BAZ1B: variants seen among roughly 807,000 people sequenced by gnomAD.
BAZ1B encodes tyrosine-protein kinase BAZ1B.
Under a neutral mutation model 153.8 loss-of-function variants are expected in BAZ1B, and 22 were observed. That is an observed-to-expected ratio of 0.14 (90% confidence interval 0.10 to 0.20). The LOEUF (loss-of-function observed/expected upper bound fraction) is 0.20. Ranked by LOEUF, BAZ1B falls within the 10% of genes least tolerant of loss-of-function variation. The pLI is 1.00. For synonymous variants in BAZ1B, 676 were observed against 633.4 expected, an observed-to-expected ratio of 1.07 and a Z score of -1.01; for missense variants, 1,325 against 1,799.3, an observed-to-expected ratio of 0.74 and a Z score of 4.77.
At chr7:73,501,311 A>T (rs1255196084) in intron 3 of BAZ1B, among the ~76,000 whole-genome samples, 1 of 152,140 alleles carries the variant, frequency 6.6e-6, no homozygotes, top group African/African-American at 2.4e-5. Context: ...ACCATGACCT[A>T]ACCTTTGACA....
chr7:73,515,016 G>A (rs782651982), intron 1 of BAZ1B, among the ~76,000 whole-genome samples: 1 of 152,026 alleles, frequency 6.6e-6, no homozygotes, highest in African/African-American at 2.4e-5. Context: ...AGGTTGCAGT[G>A]AGCCAAGATC....
chr7:73,445,293 C>T (rs1787789872), intron 16 of BAZ1B, among the ~76,000 whole-genome samples: 1 of 152,152 alleles, frequency 6.6e-6, no homozygotes, highest in African/African-American at 2.4e-5. Flanking sequence ...TTCTTGGCTA[C>T]TTTAGCGTCT....
intron 1 of BAZ1B, among the ~76,000 whole-genome samples, chr7:73,520,391 A>C (rs1790987907): frequency 6.6e-6 from 1 of 152,124 alleles, no homozygotes; most frequent in African/African-American, 2.4e-5. Context: ...TAATATTTAA[A>C]TTAATTGAAA....
At position 73,521,970 on chromosome 7, in the gene BAZ1B, C is replaced by T; in HGVS notation, c.-37G>A. On this transcript the variant is annotated 5_prime_UTR_variant, in exon 1 of 20. Transcript: ENST00000339594. ...CGGTGGGGACTGGCGGCTGCTGGGGCCGGCCCCGCGGCGCAGCACTAGGCC... is the reference window on the plus strand; with the variant it reads ...CGGTGGGGACTGGCGGCTGCTGGGGTCGGCCCCGCGGCGCAGCACTAGGCC... The T allele has an allele frequency of 7.3e-7, 1 of 1,375,008 alleles. No homozygotes were observed. Among genetic ancestry groups the T allele is most frequent in the Non-Finnish European group, 9.4e-7 (1 of 1,058,610 alleles). 85.2% of individuals were successfully genotyped at this position (1,375,008 alleles called of 1,614,324 possible).
At position 73,442,239 on chromosome 7, in the gene BAZ1B, G is replaced by A; in HGVS notation, c.4409C>T (p.Pro1470Leu). 6.2e-7 allele frequency: 1 copy of A among 1,605,768 alleles called. No individual in the cohort carries two copies. Among genetic ancestry groups the A allele is most frequent in the South Asian group, 1.1e-5 (1 of 90,948 alleles). The change falls in exon 19 of 20, where the codon CCA becomes CTA. Residue 1470 changes from proline (P) to leucine (L), a missense_variant. By Grantham distance (98) the Pro-to-Leu change is moderately conservative. Around this residue, in one of 9 missense-constraint regions of BAZ1B, gnomAD observed 271 missense variants for 337.2 expected, o/e 0.80. Transcript: ENST00000339594. ...TCCCCTGGACTGTCCAACGGCCTCT[G>A]GCTCACTGTCCCCTTCATCTTCAGC... ...RLAEDEGDSE[P>L]EAVGQSRGRR...
chr7:73,469,540 C>A lies in BAZ1B; in HGVS notation c.2843G>T (p.Gly948Val), dbSNP rs149960016. 37 of 1,614,100 alleles carry A rather than the reference C, an allele frequency of 2.3e-5. No individual in the cohort carries two copies. Residue 948 changes from glycine (G) to valine (V), a missense_variant, in exon 9 of 20, where the codon GGT becomes GTT. Coordinates refer to ENST00000339594, the MANE Select transcript of BAZ1B (RefSeq NM_032408.4). ...ACTGCGAGGACAGTAATCCTCATCACCAGAGACTGTGTGGTCTTTGCAGTG... is the reference window on the plus strand; with the variant it reads ...ACTGCGAGGACAGTAATCCTCATCAACAGAGACTGTGTGGTCTTTGCAGTG... ...NHHCKDHTVS[G>V]DEDYCPRSKK...
At chr7:73,470,981 C>A (rs1554571914) in intron 7 of BAZ1B, among the ~76,000 whole-genome samples, 1 of 152,156 alleles carries the variant, frequency 6.6e-6, no homozygotes. Context: ...CTGATCCACC[C>A]GTCTCGGCCC....
chr7:73,507,902 T>A (rs980211852), intron 3 of BAZ1B, among the ~76,000 whole-genome samples: 1 of 152,142 alleles, frequency 6.6e-6, no homozygotes, highest in African/African-American at 2.4e-5. Flanking sequence ...TTAGTCCTTA[T>A]AATAATTGAT....
At position 73,441,192 on chromosome 7, in the gene BAZ1B, G is replaced by A. The variant is rs1787601684; in HGVS notation, c.*517C>T. On this transcript the variant is annotated 3_prime_UTR_variant, in exon 20 of 20. Coordinates refer to ENST00000339594, the MANE Select transcript of BAZ1B (RefSeq NM_032408.4). The stretch of plus-strand genomic sequence containing the variant: ...AGTGGATGGGCTGAAGGAGAAGCCA[G>A]GGAAGTTAGAGCAAACACATTATCA... The A allele has an allele frequency of 6.6e-6, 1 of 152,632 alleles. No individual in the cohort carries two copies. The highest frequency in any genetic ancestry group is 6.5e-5 in the Admixed American group (1 of 15,280). 9.5% of individuals were successfully genotyped at this position (152,632 alleles called of 1,614,324 possible).
intron 3 of BAZ1B, among the ~76,000 whole-genome samples, chr7:73,506,510 A>T (rs1050418831): frequency 6.7e-6 from 1 of 149,364 alleles, no homozygotes; most frequent in Non-Finnish European, 1.5e-5. Context: ...AAAAAAAAAA[A>T]AAATTTAAGT....
In BAZ1B at chr7:73,442,782, T is replaced by C. The variant is rs782210877; in HGVS notation, c.4037A>G (p.Gln1346Arg). 1.9e-6 allele frequency: 3 copies of C among 1,614,196 alleles called. No individual in the cohort carries two copies. The highest frequency in any genetic ancestry group is 1.7e-5 in the Admixed American group (1 of 60,022). Residue 1346 changes from glutamine (Q) to arginine (R), a missense_variant, in exon 18 of 20, where the codon CAG becomes CGG. Physicochemically the swap from Gln to Arg is conservative, Grantham distance 43. Coordinates refer to ENST00000339594, the MANE Select transcript of BAZ1B (RefSeq NM_032408.4). ...CTTGTGGAGGATCTCTTCACACTTCTGCAGCTCCAGGCTTTGCCTCCGGGA... is the reference window on the plus strand; with the variant it reads ...CTTGTGGAGGATCTCTTCACACTTCCGCAGCTCCAGGCTTTGCCTCCGGGA... ...RSSRRQSLELQKCEEILHKIV... is the reference protein window; with the variant it reads ...RSSRRQSLELRKCEEILHKIV...
In BAZ1B at chr7:73,450,475, C is replaced by T. The variant is rs1454036967; in HGVS notation, c.3580+372G>A. Reference sequence around the variant, plus strand: ...GAGACTGCATGCCACCCTCTGTACCCGGACTGCCTCCTGCTGAAAGCACAT... The same window carrying T: ...GAGACTGCATGCCACCCTCTGTACCTGGACTGCCTCCTGCTGAAAGCACAT... On this transcript the variant is annotated intron_variant, in intron 14 of 19. Transcript: ENST00000339594. The surrounding 1 kb of genome is among the most constrained non-coding windows in gnomAD (Gnocchi z 4.1). 1.6e-4 allele frequency among the ~76,000 whole-genome samples: 24 copies of T among 152,284 alleles called. No homozygotes were observed. Among genetic ancestry groups the T allele is most frequent in the Admixed American group, 4.6e-4 (7 of 15,296 alleles).
chr7:73,477,136 C>T lies in BAZ1B; in HGVS notation c.2325G>A (p.Glu775=), dbSNP rs141851166. Residue 775 remains glutamate, a synonymous_variant, in exon 7 of 20, where the codon GAG becomes GAA. Transcript: ENST00000339594. This position sits in a 1 kb window ranked among gnomAD's most constrained non-coding sequence, Gnocchi z 5.6. The part of the protein sequence containing the change: ...HMETRQQMSA[E]LWKERLAVLK... Reference sequence around the variant, plus strand: ...ACACAGCAAGCCGTTCCTTCCACAACTCTGCAGACATCTGCTGTCTGGTCT... The same window carrying T: ...ACACAGCAAGCCGTTCCTTCCACAATTCTGCAGACATCTGCTGTCTGGTCT... 5.0e-6 allele frequency: 8 copies of T among 1,614,226 alleles called. No homozygotes were observed. The African/African-American group carries it at 1.1e-4, about 22-fold the overall frequency.
intron 7 of BAZ1B, among the ~76,000 whole-genome samples, chr7:73,470,876 A>G (rs982508544): frequency 3.3e-5 from 5 of 152,124 alleles, no homozygotes; most frequent in African/African-American, 2.4e-5. Flanking sequence ...GCTGGACTAC[A>G]GGCACACACC....
chr7:73,452,212 G>A (rs1554568389), intron 13 of BAZ1B, among the ~76,000 whole-genome samples: 2 of 152,040 alleles, frequency 1.3e-5, no homozygotes, highest in African/African-American at 4.8e-5. Flanking sequence ...CTTGTAACTG[G>A]CTTCTTTCAC....
At chr7:73,466,200 ATAAT>A (rs1788578064) in intron 10 of BAZ1B, 92 bp downstream of exon 10, 1 of 866,982 alleles carries the variant, frequency 1.2e-6, no homozygotes, top group African/African-American at 1.7e-5. Flanking sequence ...TCCTGCGCAA[ATAAT>A]TATTAACTCA....
At position 73,441,230 on chromosome 7, in the gene BAZ1B, T is replaced by TG. The variant is rs1554564856; in HGVS notation, c.*478dup. ...AAACACATTATCATAGAAACTGTAC[T>TG]GTACATGTGCTAAAGCAAGATGTCA... On this transcript the variant is annotated 3_prime_UTR_variant, in exon 20 of 20. Coordinates refer to ENST00000339594, the MANE Select transcript of BAZ1B (RefSeq NM_032408.4). The TG allele has an allele frequency of 2.0e-5, 3 of 152,802 alleles. No homozygotes were observed. In the East Asian group the frequency reaches 5.8e-4, roughly 29 times the overall value. The allele number at this position is 152,802 out of a possible 1,614,324, so 9.5% of individuals were successfully genotyped here.
intron 4 of BAZ1B, among the ~76,000 whole-genome samples, chr7:73,498,280 A>C (rs1789995867): frequency 6.6e-6 from 1 of 152,122 alleles, no homozygotes; most frequent in Admixed American, 6.6e-5. Context: ...CTTTCTAAGC[A>C]ACTAGAGGAA....
rs200447541 is a variant in BAZ1B, at chr7:73,492,765, A to T, written c.693+35T>A. On this transcript the variant is annotated intron_variant, in intron 5 of 19. Transcript: ENST00000339594. ...ACCCTATGATATTTTCTTAAAGAAC[A>T]TCTATCACATGTAAAAAGTAAAGTG... is the stretch of plus-strand genomic sequence containing the variant. 4,147 of 1,549,492 alleles carry T rather than the reference A, an allele frequency of 2.7e-3. 11 individuals are homozygous for T. The highest frequency in any genetic ancestry group is 3.4e-3 in the Non-Finnish European group (3,881 of 1,145,542).
Sources: gnomAD v4.1 joint callset for allele counts (sites outside exome capture counted in the v4.1 genomes callset) on GRCh38, gnomAD v4.1.1 for gene constraint, gnomAD v4.1.1 regional missense constraint, Gnocchi (gnomAD v3.1) non-coding constraint, MANE v1.5 for transcripts, NCBI Gene and HGNC (gene_info 2026-07-23, HGNC 2026-07-21) for gene names.